Variants in PTPRD observed in about 807,000 individuals in gnomAD.
PTPRD encodes protein tyrosine phosphatase receptor type D.
A neutral mutation model predicts 214.5 loss-of-function variants in PTPRD; 34 were observed. The ratio of observed to expected loss-of-function variants is 0.16; its 90% confidence interval spans 0.12 to 0.21. The LOEUF (loss-of-function observed/expected upper bound fraction) is 0.21. Among genes scored for constraint, PTPRD ranks in the 10% least tolerant of loss-of-function variants. The pLI is 1.00. For missense variants in PTPRD, 2,545 were observed against 2,398.7 expected (o/e 1.06, Z -1.27); for synonymous variants, 1,128 against 845.7 (o/e 1.33, Z -5.79).
At chr9:8,791,960 G>C (rs1367191087) in intron 11 of PTPRD, among the ~76,000 whole-genome samples, 1 of 152,168 alleles carries the variant, frequency 6.6e-6, no homozygotes, top group African/African-American at 2.4e-5. Context: ...ATAAAAGGGA[G>C]AGTGAAGGTC....
At chr9:10,605,389 G>C (rs763262051) in intron 2 of PTPRD, among the ~76,000 whole-genome samples, 3 of 151,874 alleles carry the variant, frequency 2.0e-5, no homozygotes, top group Non-Finnish European at 4.4e-5. Flanking sequence ...ATTTATTTGT[G>C]TTTTTATATT....
At chr9:9,019,645 G>T (rs2099555382) in intron 10 of PTPRD, among the ~76,000 whole-genome samples, 1 of 152,282 alleles carries the variant, frequency 6.6e-6, no homozygotes, top group Admixed American at 6.5e-5. Context: ...GGCGGAGGTT[G>T]CGGTGAGCCA....
intron 2 of PTPRD, among the ~76,000 whole-genome samples, chr9:10,443,442 C>A (rs750830317): frequency 2.2e-4 from 34 of 151,644 alleles, no homozygotes; most frequent in Non-Finnish European, 4.4e-4. Context: ...ATTTGACATA[C>A]TAGTATTCCC....
At chr9:9,635,966 T>C (rs926265603) in intron 7 of PTPRD, among the ~76,000 whole-genome samples, 8 of 152,174 alleles carry the variant, frequency 5.3e-5, no homozygotes, top group East Asian at 1.9e-4. Context: ...TGACTCTCCA[T>C]TGTTCTTAGG....
intron 3 of PTPRD, among the ~76,000 whole-genome samples, chr9:10,285,993 T>C (rs1283887660): frequency 2.0e-5 from 3 of 152,188 alleles, no homozygotes; most frequent in Non-Finnish European, 4.4e-5. Flanking sequence ...TTTTTAGTTA[T>C]ATTTGTTTCT....
intron 5 of PTPRD, among the ~76,000 whole-genome samples, chr9:9,874,154 G>A (rs1369539503): frequency 1.3e-5 from 2 of 152,108 alleles, no homozygotes; most frequent in Non-Finnish European, 2.9e-5. Flanking sequence ...AAATTACTAT[G>A]TATAATAAAT....
At chr9:9,593,240 G>T (rs1011290344) in intron 7 of PTPRD, among the ~76,000 whole-genome samples, 1 of 151,476 alleles carries the variant, frequency 6.6e-6, no homozygotes, top group African/African-American at 2.4e-5. Flanking sequence ...AAGAAAAGGG[G>T]GATTTCTTGT....
At chr9:8,319,662 AATCTC>A in intron 45 of PTPRD, among the ~76,000 whole-genome samples, 164 bp downstream of exon 45, 1 of 152,240 alleles carries the variant, frequency 6.6e-6, no homozygotes, top group South Asian at 2.1e-4. Context: ...AGACACTAAT[AATCTC>A]ATCCCATTTA....
chr9:10,277,157 A>G (rs1181107828), intron 3 of PTPRD, among the ~76,000 whole-genome samples: 1 of 122,156 alleles, frequency 8.2e-6, no homozygotes, highest in East Asian at 2.4e-4. Flanking sequence ...AGTCTTATAA[A>G]CTTGATCTTT....
intron 11 of PTPRD, among the ~76,000 whole-genome samples, chr9:8,835,801 G>A (rs550177739): frequency 3.9e-4 from 59 of 152,284 alleles, no homozygotes; most frequent in African/African-American, 1.3e-3. Context: ...GACTCCCAAA[G>A]TGCTGGGACC....
At chr9:9,643,464 A>G (rs1323730039) in intron 7 of PTPRD, among the ~76,000 whole-genome samples, 1 of 152,158 alleles carries the variant, frequency 6.6e-6, no homozygotes, top group East Asian at 1.9e-4. Context: ...GGTGGAGATG[A>G]TTCTAGAATG....
At chr9:8,480,023 C>T (rs1665585185) in intron 30 of PTPRD, among the ~76,000 whole-genome samples, 1 of 152,164 alleles carries the variant, frequency 6.6e-6, no homozygotes, top group Admixed American at 6.5e-5. Context: ...GCAGTACTCA[C>T]CCCATTATAT....
chr9:9,074,411 A>G (rs1340588227), intron 10 of PTPRD, among the ~76,000 whole-genome samples: 2 of 152,136 alleles, frequency 1.3e-5, no homozygotes, highest in South Asian at 2.1e-4. Context: ...AACACTCACT[A>G]AAACAGATTT....
chr9:10,409,897 C>T (rs987024995), intron 2 of PTPRD, among the ~76,000 whole-genome samples: 6 of 151,668 alleles, frequency 4.0e-5, no homozygotes, highest in South Asian at 2.1e-4. Context: ...CCCATTCAAG[C>T]CTTCAGGTGA....
chr9:9,715,573 G>A (rs1334787903), intron 7 of PTPRD, among the ~76,000 whole-genome samples: 5 of 152,064 alleles, frequency 3.3e-5, no homozygotes, highest in African/African-American at 1.2e-4. Flanking sequence ...CAGTAAAACT[G>A]AAAAGACAAA....
At chr9:9,779,076 G>GAAAAAA (rs2098822133) in intron 5 of PTPRD, among the ~76,000 whole-genome samples, 1 of 3,624 alleles carries the variant, frequency 2.8e-4, no homozygotes, top group Non-Finnish European at 4.3e-4. Flanking sequence ...TCATAAGACT[G>GAAAAAA]ACAAAAAAAA....
chr9:10,108,875 T>C (rs1413902874), intron 3 of PTPRD, among the ~76,000 whole-genome samples: 2 of 152,026 alleles, frequency 1.3e-5, no homozygotes, highest in Admixed American at 1.3e-4. Flanking sequence ...AGAGGGTTTT[T>C]TTTTTTGTTA....
At chr9:10,028,605 T>A (rs1230435279) in intron 4 of PTPRD, among the ~76,000 whole-genome samples, 1 of 152,138 alleles carries the variant, frequency 6.6e-6, no homozygotes, top group Non-Finnish European at 1.5e-5. Flanking sequence ...CAAAGGTGAC[T>A]TTTGCTATTT....
At chr9:10,403,652 A>C (rs555949413) in intron 2 of PTPRD, among the ~76,000 whole-genome samples, 16 of 151,648 alleles carry the variant, frequency 1.1e-4, no homozygotes, top group Non-Finnish European at 2.1e-4. Flanking sequence ...ACAGACCATG[A>C]AATATTACTG....
Sources: allele counts gnomAD v4.1 joint callset (sites outside exome capture counted in the v4.1 genomes callset), GRCh38; gene constraint gnomAD v4.1.1; transcripts MANE v1.5; gene names NCBI Gene and HGNC (gene_info 2026-07-23, HGNC 2026-07-21).